The following GOLGA5 variants were observed in gnomAD, a reference collection of about 807,000 sequenced individuals.
GOLGA5 encodes the protein golgin subfamily A member 5.
GOLGA5 carries 50 observed loss-of-function variants against 93.5 expected under a neutral mutation model. The observed-to-expected ratio is 0.53, with a 90% confidence interval of 0.43 to 0.68. The LOEUF is 0.68. GOLGA5 is among the 30% of genes least tolerant of loss of function. The pLI, the probability that GOLGA5 is intolerant of heterozygous loss-of-function variation, is 0.00. For missense variants in GOLGA5, 760 were observed against 856.4 expected (o/e 0.89, Z 1.40); for synonymous variants, 312 against 304.5 (o/e 1.02, Z -0.26).
chr14:92,839,705 A>C lies in GOLGA5; in HGVS notation c.*259A>C. ...TTTAGTGGTCCTAATATATATGTAG[A>C]GAAAGATGGTGGGGTTGTTCACCTC... On this transcript the variant is annotated 3_prime_UTR_variant, in exon 13 of 13. Transcript: ENST00000163416. The C allele has an allele frequency of 1.9e-6, 1 of 513,632 alleles. No homozygotes were observed. Among genetic ancestry groups the C allele is most frequent in the Non-Finnish European group, 3.5e-6 (1 of 288,662 alleles). The allele number at this position is 513,632 out of a possible 1,614,324, so 31.8% of individuals were successfully genotyped here.
intron 1 of GOLGA5, among the ~76,000 whole-genome samples, 191 bp downstream of exon 1, chr14:92,794,647 C>T (rs571494698): frequency 1.3e-5 from 2 of 152,360 alleles, no homozygotes; most frequent in African/African-American, 4.8e-5. Flanking sequence ...GTTTACTGCC[C>T]TCCTCTGTCT....
chr14:92,816,522 G>A (rs942447555), intron 7 of GOLGA5, 101 bp downstream of exon 7: 32 of 720,294 alleles, frequency 4.4e-5, no homozygotes, highest in South Asian at 2.4e-4. Context: ...TAGGTTTCTC[G>A]CTTCTCTTCG....
chr14:92,811,706 T>C lies in GOLGA5; in HGVS notation c.1272T>C (p.Ser424=). 1 of 1,613,336 alleles carries C rather than the reference T, an allele frequency of 6.2e-7. No individual in the cohort carries two copies. Among genetic ancestry groups the C allele is most frequent in the Non-Finnish European group, 8.5e-7 (1 of 1,179,560 alleles). Residue 424 remains serine, a synonymous_variant, in exon 6 of 13, where the codon TCT becomes TCC. Transcript: ENST00000163416. ...VKLYKLNLES[S]KQELIDYKQK... is the part of the protein sequence containing the mutation. The stretch of plus-strand genomic sequence containing the variant: ...TGTATAAGTTGAACTTGGAGTCCTC[T>C]AAGCAGGAATTAATTGACTACAAGC...
At chr14:92,805,604 C>T (rs1884968023) in intron 2 of GOLGA5, among the ~76,000 whole-genome samples, 2 of 152,126 alleles carry the variant, frequency 1.3e-5, no homozygotes, top group African/African-American at 4.8e-5. Context: ...TTTATAGTCC[C>T]ACCAGCAGTG....
At chr14:92,810,664 T>G (rs749047310) in intron 5 of GOLGA5, 4 of 191,216 alleles carry the variant, frequency 2.1e-5, no homozygotes, top group Non-Finnish European at 4.2e-5. Flanking sequence ...ATGCTAATGG[T>G]TGGGGGATCG....
intron 8 of GOLGA5, among the ~76,000 whole-genome samples, chr14:92,820,625 A>G (rs1885298276): frequency 1.3e-5 from 2 of 152,204 alleles, no homozygotes; most frequent in Admixed American, 1.3e-4. Context: ...TCAGGCTATC[A>G]CATGGGGAGA....
At chr14:92,803,359 A>G (rs968076005) in intron 2 of GOLGA5, among the ~76,000 whole-genome samples, 2 of 152,168 alleles carry the variant, frequency 1.3e-5, no homozygotes, top group East Asian at 3.8e-4. Flanking sequence ...TATAAGCGAA[A>G]TCGGCCTGCG....
At chr14:92,806,280 A>G (rs1310669330) in intron 2 of GOLGA5, among the ~76,000 whole-genome samples, 1 of 152,184 alleles carries the variant, frequency 6.6e-6, no homozygotes, top group South Asian at 2.1e-4. Flanking sequence ...AATGAAATTT[A>G]ATCAGAGGGA....
At chr14:92,815,899 G>T (rs1205919742) in intron 6 of GOLGA5, among the ~76,000 whole-genome samples, 6 of 151,550 alleles carry the variant, frequency 4.0e-5, no homozygotes, top group South Asian at 2.1e-4. Flanking sequence ...TAGAGACGGG[G>T]TTTCACCATA....
At chr14:92,819,446 A>C (rs1049108547) in intron 7 of GOLGA5, among the ~76,000 whole-genome samples, 4 of 151,746 alleles carry the variant, frequency 2.6e-5, no homozygotes, top group Non-Finnish European at 5.9e-5. Context: ...CTGTGCAATA[A>C]AGCCATATCC....
intron 3 of GOLGA5, among the ~76,000 whole-genome samples, chr14:92,808,204 GC>G (rs1409988214): frequency 2.6e-5 from 4 of 151,824 alleles, no homozygotes; most frequent in African/African-American, 9.7e-5. Flanking sequence ...CCGAGATCGT[GC>G]CACTGCATTC....
intron 9 of GOLGA5, among the ~76,000 whole-genome samples, chr14:92,827,599 G>A (rs1358259998): frequency 1.3e-5 from 2 of 152,186 alleles, no homozygotes; most frequent in African/African-American, 4.8e-5. Context: ...AGGTGTTCAA[G>A]TGAAAGGAAG....
chr14:92,814,798 C>G (rs1190642209), intron 6 of GOLGA5, among the ~76,000 whole-genome samples: 1 of 152,056 alleles, frequency 6.6e-6, no homozygotes, highest in Non-Finnish European at 1.5e-5. Context: ...CTGGTCTTTG[C>G]ATGTCAAATC....
intron 10 of GOLGA5, among the ~76,000 whole-genome samples, chr14:92,834,510 G>T (rs1039951230): frequency 6.6e-6 from 1 of 152,092 alleles, no homozygotes; most frequent in African/African-American, 2.4e-5. Flanking sequence ...ACAATGAGGA[G>T]GCATAGAAAA....
At chr14:92,838,375 T>G (rs1037953238) in intron 12 of GOLGA5, among the ~76,000 whole-genome samples, 1 of 151,694 alleles carries the variant, frequency 6.6e-6, no homozygotes, top group Non-Finnish European at 1.5e-5. Flanking sequence ...TTTGTGTTGT[T>G]TTTTTTTTCT....
rs914165063 is a variant in GOLGA5 at position 92,816,519 on chromosome 14, CTCGCTTCTCT to C, written c.1491+106_1491+115del. 55 of 903,808 alleles carry C rather than the reference CTCGCTTCTCT, an allele frequency of 6.1e-5. 1 individual carries two copies. The highest frequency in any genetic ancestry group is 3.6e-4 in the South Asian group (22 of 61,916). The allele number at this position is 903,808 out of a possible 1,614,324, so 56.0% of individuals were successfully genotyped here. A position where few individuals can be genotyped will look rare whatever the true frequency, so the allele number is the denominator to read the frequency against. ...ACAGCATTACTAAAGCGATAGGTTT[CTCGCTTCTCT>C]TCGCTTCGCTTCGCTTCTCTTCTCT... On this transcript the variant is annotated intron_variant, in intron 7 of 12. Coordinates refer to ENST00000163416, the MANE Select transcript of GOLGA5 (RefSeq NM_005113.4).
chr14:92,820,804 A>G (rs1428452476), intron 8 of GOLGA5, among the ~76,000 whole-genome samples: 1 of 152,196 alleles, frequency 6.6e-6, no homozygotes, highest in Non-Finnish European at 1.5e-5. Flanking sequence ...GATCCCTTAA[A>G]CCTTGATTCC....
intron 8 of GOLGA5, among the ~76,000 whole-genome samples, chr14:92,823,527 A>G (rs2140329041): frequency 6.6e-6 from 1 of 150,582 alleles, no homozygotes; most frequent in South Asian, 2.1e-4. Context: ...TAATTCTCCC[A>G]CGTCAACCTC....
chr14:92,810,128 T>G lies in GOLGA5; in HGVS notation c.993-126T>G, dbSNP rs1885073399. Reference sequence around the variant, plus strand: ...TGTTCCATTAGAAAGGAAAGATTTATCTAAGAATATTTCAGTCAAATTATC... The same window carrying G: ...TGTTCCATTAGAAAGGAAAGATTTAGCTAAGAATATTTCAGTCAAATTATC... On this transcript the variant is annotated intron_variant, in intron 4 of 12. Transcript: ENST00000163416. The G allele has an allele frequency of 2.4e-5, 15 of 637,528 alleles. 1 individual carries two copies. In the South Asian group the frequency reaches 3.1e-4, roughly 13 times the overall value. The allele number at this position is 637,528 out of a possible 1,614,324, so 39.5% of individuals were successfully genotyped here. A position where few individuals can be genotyped will look rare whatever the true frequency, so the allele number is the denominator to read the frequency against.
Sources: gnomAD v4.1 joint callset for allele counts (sites outside exome capture counted in the v4.1 genomes callset) on GRCh38, gnomAD v4.1.1 for gene constraint, MANE v1.5 for transcripts, NCBI Gene and HGNC (gene_info 2026-07-23, HGNC 2026-07-21) for gene names.